KLHL1: variants seen among roughly 807,000 people sequenced by gnomAD.
The protein encoded by KLHL1 is kelch-like protein 1.
Under a neutral mutation model 77.7 loss-of-function variants are expected in KLHL1, and 47 were observed. That is an observed-to-expected ratio of 0.60 (90% CI 0.48 to 0.77). The LOEUF (loss-of-function observed/expected upper bound fraction) is 0.77. Among genes scored for constraint, KLHL1 ranks in the 30% least tolerant of loss-of-function variants. The pLI is 0.00. For missense variants in KLHL1, 925 were observed against 910.8 expected (o/e 1.02, Z -0.20); for synonymous variants, 360 against 325.2 (o/e 1.11, Z -1.15).
intron 4 of KLHL1, among the ~76,000 whole-genome samples, chr13:69,900,765 A>G (rs1881826361): frequency 6.6e-6 from 1 of 152,224 alleles, no homozygotes; most frequent in Admixed American, 6.5e-5. Context: ...TATCCCATTG[A>G]TTGACAGCTC....
At chr13:70,069,573 G>A (rs1887092412) in intron 1 of KLHL1, among the ~76,000 whole-genome samples, 1 of 152,108 alleles carries the variant, frequency 6.6e-6, no homozygotes, top group Non-Finnish European at 1.5e-5. Flanking sequence ...GGATTAAATG[G>A]TAATAGCAGA....
chr13:70,103,171 G>C (rs571141642), intron 1 of KLHL1, among the ~76,000 whole-genome samples: 27 of 152,256 alleles, frequency 1.8e-4, no homozygotes, highest in African/African-American at 6.0e-4. Flanking sequence ...CTCAGGAAGG[G>C]AGCAGTTAAG....
intron 4 of KLHL1, among the ~76,000 whole-genome samples, chr13:69,929,169 T>C (rs146137755): frequency 2.4e-4 from 37 of 152,150 alleles, no homozygotes; most frequent in African/African-American, 2.4e-5. Context: ...TTTGGCGATC[T>C]TAAACAAACT....
chr13:69,799,865 G>A (rs957790759), intron 6 of KLHL1, among the ~76,000 whole-genome samples: 2 of 152,106 alleles, frequency 1.3e-5, no homozygotes, highest in Non-Finnish European at 2.9e-5. Flanking sequence ...GAGGTGAGCG[G>A]CACCCCGAGC....
At chr13:70,011,095 C>CACCCAATGACTG in intron 1 of KLHL1, among the ~76,000 whole-genome samples, 1 of 152,058 alleles carries the variant, frequency 6.6e-6, no homozygotes, top group South Asian at 2.1e-4. Flanking sequence ...TGGGTCAGAT[C>CACCCAATGACTG]ACCCAATGAC....
At chr13:69,756,924 TATC>T (rs1874770724) in intron 7 of KLHL1, among the ~76,000 whole-genome samples, 1 of 152,120 alleles carries the variant, frequency 6.6e-6, no homozygotes, top group Admixed American at 6.5e-5. Flanking sequence ...CCTTTGCAAA[TATC>T]ATCAACTTTT....
intron 7 of KLHL1, among the ~76,000 whole-genome samples, chr13:69,782,355 G>A (rs995521472): frequency 1.3e-5 from 2 of 152,206 alleles, no homozygotes; most frequent in Non-Finnish European, 2.9e-5. Flanking sequence ...AGCCGAAGCA[G>A]GGCAAGGCAT....
intron 1 of KLHL1, among the ~76,000 whole-genome samples, chr13:69,982,326 A>T (rs11841068): frequency 0.15 from 22,765 of 150,786 alleles, 3,640 homozygotes; most frequent in African/African-American, 0.41. Context: ...GTCCCAGCTG[A>T]TTGGGAGACT....
intron 1 of KLHL1, among the ~76,000 whole-genome samples, chr13:70,012,063 A>G (rs2033988): frequency 0.54 from 82,373 of 151,710 alleles, 22,625 homozygotes; most frequent in Non-Finnish European, 0.58. Flanking sequence ...ACTATCACAA[A>G]AACAGCATGA....
chr13:69,962,229 A>G (rs1031158071), intron 2 of KLHL1, among the ~76,000 whole-genome samples: 1 of 151,880 alleles, frequency 6.6e-6, no homozygotes, highest in Non-Finnish European at 1.5e-5. Context: ...GGCTTTGTGT[A>G]TACTATCTAC....
chr13:70,046,595 C>T (rs577938452), intron 1 of KLHL1, among the ~76,000 whole-genome samples: 4 of 152,314 alleles, frequency 2.6e-5, no homozygotes, highest in South Asian at 2.1e-4. Flanking sequence ...TCAAGCGATT[C>T]GCGTGCTTCA....
chr13:69,730,880 G>A (rs369921324), intron 8 of KLHL1, among the ~76,000 whole-genome samples: 6 of 151,962 alleles, frequency 3.9e-5, no homozygotes, highest in Admixed American at 6.6e-5. Flanking sequence ...GTGCCTGGAC[G>A]GAGAACATTC....
chr13:69,804,305 TG>T (rs201193136), intron 6 of KLHL1, among the ~76,000 whole-genome samples: 19,093 of 150,812 alleles, frequency 0.13, 1,514 homozygotes, highest in African/African-American at 0.23. Flanking sequence ...ATAATTTTTT[TG>T]TGGGGGGGGG....
intron 6 of KLHL1, among the ~76,000 whole-genome samples, chr13:69,837,207 T>C (rs1879033049): frequency 1.3e-5 from 2 of 151,946 alleles, no homozygotes; most frequent in Non-Finnish European, 2.9e-5. Context: ...TTCATCTAGG[T>C]GTATATTTAA....
At chr13:69,840,021 AT>A (rs938884443) in intron 5 of KLHL1, among the ~76,000 whole-genome samples, 11 of 151,966 alleles carry the variant, frequency 7.2e-5, no homozygotes, top group Non-Finnish European at 1.6e-4. Context: ...AAAATTTAGC[AT>A]TTACTCACTG....
chr13:69,874,120 C>T (rs1880680231), intron 5 of KLHL1, among the ~76,000 whole-genome samples: 1 of 152,060 alleles, frequency 6.6e-6, no homozygotes, highest in Non-Finnish European at 1.5e-5. Context: ...AGATATAGTA[C>T]TCATACGAAT....
intron 1 of KLHL1, among the ~76,000 whole-genome samples, chr13:70,075,054 TA>T (rs1887228551): frequency 6.6e-6 from 1 of 152,048 alleles, no homozygotes; most frequent in African/African-American, 2.4e-5. Flanking sequence ...GTCAGATTAA[TA>T]GGAAGAAAAG....
At chr13:69,760,604 C>T (rs1874975379) in intron 7 of KLHL1, among the ~76,000 whole-genome samples, 1 of 152,098 alleles carries the variant, frequency 6.6e-6, no homozygotes, top group Non-Finnish European at 1.5e-5. Flanking sequence ...ATCCACCTGT[C>T]TCAGACTCCC....
At chr13:69,863,399 G>A (rs1880246034) in intron 5 of KLHL1, among the ~76,000 whole-genome samples, 1 of 74,300 alleles carries the variant, frequency 1.3e-5, no homozygotes, top group African/African-American at 7.3e-5. Flanking sequence ...AAATATTAAG[G>A]TCTGAAAACA....
Sources: gnomAD v4.1 joint callset for allele counts (sites outside exome capture counted in the v4.1 genomes callset) on GRCh38, gnomAD v4.1.1 for gene constraint, MANE v1.5 for transcripts, NCBI Gene and HGNC (gene_info 2026-07-23, HGNC 2026-07-21) for gene names.